The following RNF144A variants were observed in gnomAD, a reference collection of about 807,000 sequenced individuals.
RNF144A encodes the protein E3 ubiquitin-protein ligase RNF144A.
Under a neutral mutation model 38.7 loss-of-function variants are expected in RNF144A, and 11 were observed. The observed-to-expected ratio is 0.28, with a 90% CI of 0.18 to 0.47. The LOEUF is 0.47. Among genes scored for constraint, RNF144A ranks in the 20% least tolerant of loss-of-function variants. The probability of loss-of-function intolerance (pLI) is 0.99; values close to 1 mark genes in which losing one functional copy is unlikely to be tolerated. For synonymous variants in RNF144A, 149 were observed against 143.9 expected (o/e 1.04, Z -0.25); for missense variants, 316 against 377.2 (o/e 0.84, Z 1.34).
intron 2 of RNF144A, among the ~76,000 whole-genome samples, chr2:6,984,492 CG>C (rs1668832019): frequency 6.6e-6 from 1 of 151,920 alleles, no homozygotes; most frequent in African/African-American, 2.4e-5. Context: ...TTAGTAGAGA[CG>C]GGGTTTCACC....
At chr2:6,989,749 C>T (rs73914451) in intron 2 of RNF144A, among the ~76,000 whole-genome samples, 42,210 of 151,968 alleles carry the variant, frequency 0.28, 6,284 homozygotes, top group Non-Finnish European at 0.34. Context: ...CCATTCAAGC[C>T]TCCTCTGCTC....
At chr2:6,948,727 C>G (rs1395713007) in intron 2 of RNF144A, among the ~76,000 whole-genome samples, 1 of 152,180 alleles carries the variant, frequency 6.6e-6, no homozygotes, top group Non-Finnish European at 1.5e-5. Context: ...TTTAGGATTG[C>G]AAGACCCTCC....
At chr2:7,030,690 G>A (rs923038299) in intron 8 of RNF144A, among the ~76,000 whole-genome samples, 4 of 152,158 alleles carry the variant, frequency 2.6e-5, no homozygotes, top group African/African-American at 9.7e-5. Flanking sequence ...GACTCACTTC[G>A]TGGAAGGCAG....
intron 2 of RNF144A, among the ~76,000 whole-genome samples, chr2:6,975,855 C>T (rs1209849867): frequency 6.6e-6 from 1 of 152,212 alleles, no homozygotes; most frequent in Admixed American, 6.5e-5. Context: ...GATATCCATG[C>T]AGTGTTTATG....
At chr2:7,070,932 GTTTTT>G (rs138072047), downstream of RNF144A, among the ~76,000 whole-genome samples, 60 of 123,038 alleles carry the variant, frequency 4.9e-4, no homozygotes, top group African/African-American at 1.2e-3. Flanking sequence ...GCTTTGCTGA[GTTTTT>G]TTTTTTTTTT....
At chr2:7,062,052 G>A (rs1467650931) in intron 6 of RNF144A, among the ~76,000 whole-genome samples, 1 of 152,188 alleles carries the variant, frequency 6.6e-6, no homozygotes, top group Non-Finnish European at 1.5e-5. Flanking sequence ...AATCTCAGCA[G>A]AGATAACTCA....
At chr2:7,001,235 G>A (rs1670081570) in intron 3 of RNF144A, among the ~76,000 whole-genome samples, 1 of 151,980 alleles carries the variant, frequency 6.6e-6, no homozygotes. Flanking sequence ...GGGAGGTGGA[G>A]GTTGCAGTGA....
intron 3 of RNF144A, among the ~76,000 whole-genome samples, chr2:7,009,087 G>A (rs1197078043): frequency 6.6e-6 from 1 of 152,172 alleles, no homozygotes; most frequent in African/African-American, 2.4e-5. Context: ...TGCAGGAGAT[G>A]AGGTGTGCAC....
rs1672983709 is a variant in RNF144A at position 7,040,563 on chromosome 2, C to T, written c.*803C>T. 1.0e-6 allele frequency: 1 copy of T among 985,472 alleles called. No homozygotes were observed. The highest frequency in any genetic ancestry group is 1.1e-4 in the East Asian group (1 of 8,820). 61.0% of individuals were successfully genotyped at this position (985,472 alleles called of 1,614,324 possible). The stretch of plus-strand genomic sequence containing the variant: ...CTCTCTTTGGTGATTCAGCTCAGCT[C>T]ATGGGCCTCATCCCTTCTCTCCCAG... On this transcript the variant is annotated 3_prime_UTR_variant, in exon 9 of 9. Transcript: ENST00000320892.
rs139802799 is a variant in RNF144A at position 6,952,892 on chromosome 2, C to A, written c.-12+11745C>A. Reference sequence around the variant, plus strand: ...ACAATACAATTGTTCTTTTTTCTTCCTCAACCAACCTGCCAGATTGTGCAT... The same window carrying A: ...ACAATACAATTGTTCTTTTTTCTTCATCAACCAACCTGCCAGATTGTGCAT... On this transcript the variant is annotated intron_variant, in intron 2 of 8. Transcript: ENST00000320892. 2.3e-3 allele frequency among the ~76,000 whole-genome samples: 356 copies of A among 152,008 alleles called. 3 individuals are homozygous for A. Among genetic ancestry groups the A allele is most frequent in the African/African-American group, 8.1e-3 (335 of 41,482 alleles).
intron 2 of RNF144A, among the ~76,000 whole-genome samples, chr2:6,954,684 T>C (rs1558380579): frequency 6.6e-6 from 1 of 152,228 alleles, no homozygotes; most frequent in South Asian, 2.1e-4. Context: ...ATGACACTTA[T>C]GTAGATTTTC....
At chr2:7,038,457 C>A (rs924593872) in intron 8 of RNF144A, among the ~76,000 whole-genome samples, 1 of 152,066 alleles carries the variant, frequency 6.6e-6, no homozygotes, top group Non-Finnish European at 1.5e-5. Context: ...GGGTGTTCCT[C>A]GAGGGCCAAG....
chr2:7,033,130 T>C lies in RNF144A; in HGVS notation c.747+2915T>C, dbSNP rs533757980. Among the ~76,000 whole-genome samples, 8 of 152,388 alleles carry C rather than the reference T, an allele frequency of 5.2e-5. No individual in the cohort carries two copies. In the East Asian group the frequency reaches 1.2e-3, roughly 22 times the overall value. On this transcript the variant is annotated intron_variant, in intron 8 of 8. Transcript: ENST00000320892. Reference sequence around the variant, plus strand: ...GAGCAGGTGCTTTCCACAGGGACTCTGGCTGGCTGTTGCTGGGTGCCAAGC... The same window carrying C: ...GAGCAGGTGCTTTCCACAGGGACTCCGGCTGGCTGTTGCTGGGTGCCAAGC...
intron 2 of RNF144A, among the ~76,000 whole-genome samples, chr2:6,991,081 A>C (rs1338828617): frequency 6.6e-6 from 1 of 152,144 alleles, no homozygotes; most frequent in Non-Finnish European, 1.5e-5. Flanking sequence ...CCATTCACCT[A>C]CTGAAAGACA....
At chr2:6,995,737 C>T (rs1329871822) in intron 2 of RNF144A, among the ~76,000 whole-genome samples, 1 of 152,202 alleles carries the variant, frequency 6.6e-6, no homozygotes, top group East Asian at 1.9e-4. Context: ...ATGGCGCCTA[C>T]CCTGGCTGAG....
At position 6,990,388 on chromosome 2, in the gene RNF144A, A is replaced by ACG. The variant is rs1219339635; in HGVS notation, c.-11-6527_-11-6526insGC. ...CTTCCTAAAGACTATATATATTTAC[A>ACG]CACACACACACACACACACACACAC... is the stretch of plus-strand genomic sequence containing the variant. On this transcript the variant is annotated intron_variant, in intron 2 of 8. Transcript: ENST00000320892. Among the ~76,000 whole-genome samples, 18 of 13,644 alleles carry ACG rather than the reference A, an allele frequency of 1.3e-3. 1 individual carries two copies. The African/African-American group carries it at 0.016, about 12-fold the overall frequency. The allele number at this position is 13,644 out of a possible 152,430, so 9.0% of individuals were successfully genotyped here.
intron 7 of RNF144A, among the ~76,000 whole-genome samples, chr2:7,025,390 T>G (rs540886675): frequency 6.6e-5 from 10 of 152,246 alleles, no homozygotes; most frequent in Non-Finnish European, 1.5e-4. Context: ...GAACTATAAT[T>G]AGGCCAGCCT....
chr2:7,026,760 A>G (rs745676358), intron 7 of RNF144A, among the ~76,000 whole-genome samples: 1 of 152,160 alleles, frequency 6.6e-6, no homozygotes, highest in Non-Finnish European at 1.5e-5. Context: ...CTTCCAGCAC[A>G]GAAGTGTGTC....
At chr2:7,012,910 A>G (rs1670909224) in intron 3 of RNF144A, among the ~76,000 whole-genome samples, 1 of 152,218 alleles carries the variant, frequency 6.6e-6, no homozygotes, top group African/African-American at 2.4e-5. Flanking sequence ...CACTGCAATC[A>G]TCAGAGCCCA....
Sources: allele counts gnomAD v4.1 joint callset (sites outside exome capture counted in the v4.1 genomes callset), GRCh38; gene constraint gnomAD v4.1.1; transcripts MANE v1.5; gene names NCBI Gene and HGNC (gene_info 2026-07-23, HGNC 2026-07-21).